The following CHRNB3 variants were observed in gnomAD, a reference collection of about 807,000 sequenced individuals.
CHRNB3 encodes cholinergic receptor nicotinic beta 3 subunit.
CHRNB3 carries 37 observed loss-of-function variants against 40.6 expected under a neutral mutation model. The observed-to-expected ratio is 0.91, with a 90% CI of 0.70 to 1.20. CHRNB3 has a LOEUF of 1.20. Ranked by LOEUF, CHRNB3 falls within the 50% of genes most tolerant of loss-of-function variation. The pLI, the probability that CHRNB3 is intolerant of heterozygous loss-of-function variation, is 0.00. For synonymous variants in CHRNB3, 207 were observed against 207.1 expected (o/e 1.00, Z 0.00); for missense variants, 505 against 551.2 (o/e 0.92, Z 0.84).
At chr8:42,700,868 A>G (rs1815780341) in intron 1 of CHRNB3, among the ~76,000 whole-genome samples, 2 of 152,134 alleles carry the variant, frequency 1.3e-5, no homozygotes, top group East Asian at 1.9e-4. Flanking sequence ...AAATTTTGCT[A>G]AAAGTGGATG....
intron 3 of CHRNB3, among the ~76,000 whole-genome samples, chr8:42,727,425 G>T (rs1173592212): frequency 2.6e-5 from 4 of 150,998 alleles, no homozygotes; most frequent in African/African-American, 9.7e-5. Context: ...ACAGATCAGT[G>T]AAACAGAACA....
intron 3 of CHRNB3, chr8:42,725,815 G>C (rs1015990307): frequency 4.5e-5 from 38 of 845,676 alleles, no homozygotes; most frequent in Non-Finnish European, 7.3e-5. Context: ...AAATCCCTAG[G>C]TCACATAAGT....
At chr8:42,718,247 T>C (rs2128906895) in intron 3 of CHRNB3, among the ~76,000 whole-genome samples, 1 of 152,234 alleles carries the variant, frequency 6.6e-6, no homozygotes. Flanking sequence ...TCAACAAGAA[T>C]TTGGCTTTAA....
At chr8:42,701,372 C>CT (rs886404593) in intron 1 of CHRNB3, among the ~76,000 whole-genome samples, 2 of 151,790 alleles carry the variant, frequency 1.3e-5, no homozygotes, top group African/African-American at 4.8e-5. Context: ...GAGAGACATA[C>CT]GTCTCTACAA....
At chr8:42,711,723 G>A (rs1030706541) in intron 3 of CHRNB3, among the ~76,000 whole-genome samples, 2 of 152,248 alleles carry the variant, frequency 1.3e-5, no homozygotes, top group Admixed American at 1.3e-4. Flanking sequence ...GGAGTTACAT[G>A]TGCAGGTTTG....
chr8:42,705,094 C>A (rs1384092223), intron 1 of CHRNB3, among the ~76,000 whole-genome samples: 1 of 152,156 alleles, frequency 6.6e-6, no homozygotes, highest in Non-Finnish European at 1.5e-5. Flanking sequence ...AAGAAGGAGG[C>A]AGACATGTCA....
intron 4 of CHRNB3, among the ~76,000 whole-genome samples, chr8:42,730,991 T>C (rs1816405528): frequency 7.0e-6 from 1 of 142,426 alleles, no homozygotes; most frequent in African/African-American, 2.7e-5. Flanking sequence ...GAGCTTGCAG[T>C]GAGCCGAGAT....
intron 5 of CHRNB3, 40 bp downstream of exon 5, chr8:42,732,589 T>G: frequency 6.6e-7 from 1 of 1,515,644 alleles, no homozygotes; most frequent in Non-Finnish European, 8.8e-7. Context: ...GCCGTAAAGG[T>G]AGGCCAAAGA....
rs1479019610 is a variant in CHRNB3, at chr8:42,708,903, T to C, written c.204+35T>C. The stretch of plus-strand genomic sequence containing the variant: ...CCTTGGCACTTGGCTAAAAAGAACA[T>C]GCATTCCTTAACCTGTTTATGAGTC... On this transcript the variant is annotated intron_variant, in intron 2 of 5. Transcript: ENST00000289957. The C allele has an allele frequency of 3.8e-6, 6 of 1,593,978 alleles. No individual in the cohort carries two copies. The African/African-American group carries it at 5.4e-5, about 14-fold the overall frequency.
intron 3 of CHRNB3, among the ~76,000 whole-genome samples, chr8:42,713,611 T>C (rs896492822): frequency 6.6e-6 from 1 of 152,228 alleles, no homozygotes; most frequent in Admixed American, 6.5e-5. Flanking sequence ...AGGCTTCTAG[T>C]GTATCTAAAT....
chr8:42,729,093 A>T (rs145488548), intron 3 of CHRNB3, among the ~76,000 whole-genome samples: 143 of 152,276 alleles, frequency 9.4e-4, no homozygotes, highest in South Asian at 2.9e-3. Context: ...TGTCAGTTTC[A>T]TATGCGTGAT....
At chr8:42,717,229 C>T (rs1310250229) in intron 3 of CHRNB3, among the ~76,000 whole-genome samples, 3 of 141,056 alleles carry the variant, frequency 2.1e-5, no homozygotes, top group Admixed American at 2.1e-4. Context: ...AAAAAATTAG[C>T]CGGGCGTAGT....
At chr8:42,723,808 G>T (rs148219914) in intron 3 of CHRNB3, among the ~76,000 whole-genome samples, 2 of 152,148 alleles carry the variant, frequency 1.3e-5, no homozygotes, top group Admixed American at 6.5e-5. Flanking sequence ...ATTTTAGTCC[G>T]GTTGTGGTGG....
chr8:42,708,957 C>T, intron 2 of CHRNB3, 89 bp downstream of exon 2: 1 of 1,287,068 alleles, frequency 7.8e-7, no homozygotes, highest in Non-Finnish European at 1.0e-6. Context: ...CTATGTCTGC[C>T]ATTTCAATTT....
At chr8:42,721,064 A>G (rs987117612) in intron 3 of CHRNB3, among the ~76,000 whole-genome samples, 1 of 152,216 alleles carries the variant, frequency 6.6e-6, no homozygotes, top group African/African-American at 2.4e-5. Flanking sequence ...GCATGACAGC[A>G]CAGCCCTAGC....
At chr8:42,714,689 G>A (rs1212462244) in intron 3 of CHRNB3, among the ~76,000 whole-genome samples, 1 of 152,158 alleles carries the variant, frequency 6.6e-6, no homozygotes, top group Non-Finnish European at 1.5e-5. Context: ...AAGTGCCCAG[G>A]CACTATGCTA....
At chr8:42,699,987 C>G (rs1815754386) in intron 1 of CHRNB3, among the ~76,000 whole-genome samples, 2 of 149,958 alleles carry the variant, frequency 1.3e-5, no homozygotes. Context: ...ATCGTCTTTG[C>G]TGAGATTTGG....
intron 1 of CHRNB3, among the ~76,000 whole-genome samples, chr8:42,703,921 C>A (rs1174881312): frequency 6.6e-6 from 1 of 152,164 alleles, no homozygotes; most frequent in Non-Finnish European, 1.5e-5. Context: ...ATGCCAATGA[C>A]TTCAGCTTCT....
rs777983441 is a variant in CHRNB3 at position 42,732,433 on chromosome 8, A to C, written c.1126A>C (p.Lys376Gln). Residue 376 changes from lysine to glutamine, a missense_variant, in exon 5 of 6, where the codon AAG becomes CAG. Transcript: ENST00000289957. ...AGTGAAAGGCAAAGTCCTCGAAAAA[A>C]AGAAACAGAAACAGCTTAGTGATGG... ...PVVKGKVLEK[K>Q]KQKQLSDGEK... 2.5e-6 allele frequency: 4 copies of C among 1,614,158 alleles called. No homozygotes were observed. The East Asian group carries it at 8.9e-5, about 36-fold the overall frequency.
Sources: gnomAD v4.1 joint callset for allele counts (sites outside exome capture counted in the v4.1 genomes callset) on GRCh38, gnomAD v4.1.1 for gene constraint, MANE v1.5 for transcripts, NCBI Gene and HGNC (gene_info 2026-07-23, HGNC 2026-07-21) for gene names.